Variants in IGSF11 observed in about 807,000 individuals in gnomAD.
IGSF11 encodes CXADR like 1.
IGSF11 carries 22 observed loss-of-function variants against 41.0 expected under a neutral mutation model. That is an observed-to-expected ratio of 0.54 (90% CI 0.38 to 0.77). The LOEUF is 0.77. IGSF11 is among the 30% of genes least tolerant of loss of function. IGSF11 has a pLI of 0.00. For synonymous variants in IGSF11, 219 were observed against 201.3 expected (o/e 1.09, Z -0.74); for missense variants, 444 against 530.8 (o/e 0.84, Z 1.61).
At chr3:119,023,773 A>G (rs1415283192) in intron 1 of IGSF11, among the ~76,000 whole-genome samples, 1 of 152,212 alleles carries the variant, frequency 6.6e-6, no homozygotes, top group African/African-American at 2.4e-5. Context: ...AAAAGCTAAC[A>G]TGCCGACCCC....
intron 1 of IGSF11, among the ~76,000 whole-genome samples, chr3:119,098,856 A>G (rs1253940121): frequency 1.3e-5 from 2 of 152,178 alleles, no homozygotes; most frequent in African/African-American, 4.8e-5. Flanking sequence ...GATGTCCTCA[A>G]TTGGCTGGCA....
chr3:119,039,937 C>T (rs750091691), intron 1 of IGSF11, among the ~76,000 whole-genome samples: 3 of 152,220 alleles, frequency 2.0e-5, no homozygotes, highest in South Asian at 2.1e-4. Context: ...CATTCCTGGG[C>T]GTAGGCTGAA....
intron 4 of IGSF11, among the ~76,000 whole-genome samples, chr3:118,920,350 AAAT>A (rs1490862424): frequency 2.0e-5 from 3 of 150,220 alleles, no homozygotes; most frequent in Non-Finnish European, 4.4e-5. Flanking sequence ...TTAAATAAAT[AAAT>A]AAATAAATAA....
At chr3:119,108,165 A>C (rs2077070236), upstream of IGSF11, among the ~76,000 whole-genome samples, 1 of 151,378 alleles carries the variant, frequency 6.6e-6, no homozygotes, top group African/African-American at 2.4e-5. Context: ...TTGAATCTAT[A>C]AATTACCTTG....
At chr3:119,031,616 C>T (rs1940405894) in intron 1 of IGSF11, among the ~76,000 whole-genome samples, 1 of 152,214 alleles carries the variant, frequency 6.6e-6, no homozygotes, top group Admixed American at 6.5e-5. Flanking sequence ...CTAAGCATAA[C>T]GCTTTTTAAG....
chr3:118,946,033 G>A (rs1421115509), intron 1 of IGSF11: 1 of 152,182 alleles, frequency 6.6e-6, no homozygotes, highest in African/African-American at 2.4e-5. Context: ...AAAGGATGGT[G>A]TGGTAGGAGA....
intron 1 of IGSF11, among the ~76,000 whole-genome samples, chr3:119,063,933 G>A (rs919422839): frequency 1.3e-5 from 2 of 152,234 alleles, no homozygotes; most frequent in Admixed American, 1.3e-4. Context: ...ATGAGCTGTG[G>A]AAGAGTGATG....
intron 1 of IGSF11, among the ~76,000 whole-genome samples, chr3:119,041,417 A>G (rs1941115363): frequency 6.6e-6 from 1 of 152,092 alleles, no homozygotes; most frequent in Non-Finnish European, 1.5e-5. Flanking sequence ...CCCCATCTCT[A>G]CTAAAAATAC....
chr3:118,923,754 G>A lies in IGSF11; in HGVS notation c.580+2347C>T, dbSNP rs116813026. Among the ~76,000 whole-genome samples, 755 of 151,240 alleles carry A rather than the reference G, an allele frequency of 5.0e-3. 12 individuals are homozygous for A. The highest frequency in any genetic ancestry group is 0.017 in the African/African-American group (713 of 41,476). On this transcript the variant is annotated intron_variant, in intron 4 of 6. Transcript: ENST00000393775. ...TTTGAACAGTTTTGCCTTCACGTTTGTTTGTTTGAGGTTTCCTCATAATGA... is the reference window on the plus strand; with the variant it reads ...TTTGAACAGTTTTGCCTTCACGTTTATTTGTTTGAGGTTTCCTCATAATGA...
intron 1 of IGSF11, among the ~76,000 whole-genome samples, chr3:119,031,626 G>A (rs373182044): frequency 8.5e-5 from 13 of 152,184 alleles, no homozygotes; most frequent in African/African-American, 3.1e-4. Context: ...CGCTTTTTAA[G>A]TGCTTGGTAA....
chr3:119,090,161 T>G (rs1190264656), intron 1 of IGSF11, among the ~76,000 whole-genome samples: 1 of 150,876 alleles, frequency 6.6e-6, no homozygotes, highest in Non-Finnish European at 1.5e-5. Context: ...ACAAAGAAAA[T>G]GAAATACCTA....
chr3:119,104,404 C>T (rs2076987726), intron 1 of IGSF11, among the ~76,000 whole-genome samples: 1 of 152,174 alleles, frequency 6.6e-6, no homozygotes, highest in Non-Finnish European at 1.5e-5. Context: ...ATGTTCTTCT[C>T]TTTGCCTGGA....
intron 1 of IGSF11, among the ~76,000 whole-genome samples, chr3:119,077,734 CA>C (rs2076524472): frequency 6.6e-6 from 1 of 152,152 alleles, no homozygotes; most frequent in African/African-American, 2.4e-5. Flanking sequence ...GAGAGGAAGT[CA>C]AACTATCTCT....
chr3:119,107,289 G>A (rs1304243559), upstream of IGSF11, among the ~76,000 whole-genome samples: 3 of 152,226 alleles, frequency 2.0e-5, no homozygotes, highest in South Asian at 2.1e-4. Context: ...TCTAACTGGT[G>A]TGAGATGGTA....
intron 1 of IGSF11, among the ~76,000 whole-genome samples, chr3:118,990,022 T>A (rs919179089): frequency 2.6e-5 from 4 of 152,108 alleles, no homozygotes; most frequent in African/African-American, 9.7e-5. Flanking sequence ...GGATGGTATT[T>A]TTATAAAAAT....
chr3:119,015,335 T>C (rs1443603977), intron 1 of IGSF11, among the ~76,000 whole-genome samples: 1 of 152,192 alleles, frequency 6.6e-6, no homozygotes, highest in Non-Finnish European at 1.5e-5. Flanking sequence ...AGATCTACCT[T>C]ATTTAACGCA....
At chr3:119,064,382 G>A (rs1559846282) in intron 1 of IGSF11, among the ~76,000 whole-genome samples, 1 of 151,996 alleles carries the variant, frequency 6.6e-6, no homozygotes, top group Non-Finnish European at 1.5e-5. Flanking sequence ...CCTCTATTCT[G>A]TTCTCACTGG....
intron 1 of IGSF11, among the ~76,000 whole-genome samples, chr3:119,070,248 A>G (rs745937802): frequency 2.0e-5 from 3 of 152,226 alleles, no homozygotes; most frequent in Non-Finnish European, 4.4e-5. Context: ...TTGAAAACTG[A>G]AAACAAAAAT....
intron 4 of IGSF11, among the ~76,000 whole-genome samples, chr3:118,923,978 A>T (rs994373127): frequency 2.6e-5 from 4 of 152,138 alleles, no homozygotes; most frequent in African/African-American, 9.7e-5. Context: ...GTGGGGACAT[A>T]CTTTGTAACT....
Sources: allele counts gnomAD v4.1 joint callset (sites outside exome capture counted in the v4.1 genomes callset), GRCh38; gene constraint gnomAD v4.1.1; transcripts MANE v1.5; gene names NCBI Gene and HGNC (gene_info 2026-07-23, HGNC 2026-07-21).